The following FAT3 variants were observed in gnomAD, a reference collection of about 807,000 sequenced individuals.
FAT3 encodes the protein FAT atypical cadherin 3.
Under a neutral mutation model 310.2 loss-of-function variants are expected in FAT3, and 95 were observed. The ratio of observed to expected loss-of-function variants is 0.31; its 90% confidence interval spans 0.26 to 0.36. The LOEUF is 0.36. FAT3 is among the 10% of genes least tolerant of loss of function. FAT3 has a pLI of 1.00. For synonymous variants in FAT3, 2,314 were observed against 2,192.9 expected, an observed-to-expected ratio of 1.06 and a Z score of -1.54; for missense variants, 5,408 against 5,715.6, an observed-to-expected ratio of 0.95 and a Z score of 1.74.
chr11:92,785,898 G>C (rs1383186812), intron 7 of FAT3, among the ~76,000 whole-genome samples: 3 of 152,100 alleles, frequency 2.0e-5, no homozygotes, highest in Non-Finnish European at 2.9e-5. Flanking sequence ...AAGAAAAAGA[G>C]AGCCTAGCCT....
intron 3 of FAT3, among the ~76,000 whole-genome samples, chr11:92,604,141 T>C (rs1940164294): frequency 6.6e-6 from 1 of 152,224 alleles, no homozygotes; most frequent in Non-Finnish European, 1.5e-5. Context: ...GCTATGCTAA[T>C]TAGTTTTCTG....
At chr11:92,663,359 C>T (rs1942850044) in intron 3 of FAT3, among the ~76,000 whole-genome samples, 1 of 152,060 alleles carries the variant, frequency 6.6e-6, no homozygotes, top group South Asian at 2.1e-4. Context: ...TGAGTTTGCA[C>T]CTGATACCAC....
At chr11:92,230,709 G>A (rs1864141972) in intron 1 of FAT3, among the ~76,000 whole-genome samples, 2 of 152,280 alleles carry the variant, frequency 1.3e-5, no homozygotes, top group African/African-American at 2.4e-5. Flanking sequence ...TATATCCATT[G>A]CTTCTGCTTC....
At chr11:92,785,444 G>T (rs1946864253) in intron 7 of FAT3, among the ~76,000 whole-genome samples, 1 of 151,966 alleles carries the variant, frequency 6.6e-6, no homozygotes, top group Non-Finnish European at 1.5e-5. Context: ...AACTATCTCT[G>T]TTTGCATGTA....
intron 6 of FAT3, among the ~76,000 whole-genome samples, chr11:92,771,417 T>C (rs901564236): frequency 6.6e-6 from 1 of 151,854 alleles, no homozygotes; most frequent in East Asian, 1.9e-4. Flanking sequence ...GATGCTTAAG[T>C]GGTAGGTTAT....
chr11:92,596,247 C>T (rs1451922134), intron 3 of FAT3, among the ~76,000 whole-genome samples: 1 of 152,154 alleles, frequency 6.6e-6, no homozygotes, highest in Non-Finnish European at 1.5e-5. Flanking sequence ...TACCCAGTCC[C>T]ACTTTCTGAA....
At chr11:92,720,174 G>A (rs776809487) in intron 4 of FAT3, among the ~76,000 whole-genome samples, 9 of 152,130 alleles carry the variant, frequency 5.9e-5, no homozygotes, top group Non-Finnish European at 1.0e-4. Flanking sequence ...AGAGTAAGAG[G>A]TTGATTTTCA....
chr11:92,806,470 C>G lies in FAT3; in HGVS notation c.9202C>G (p.Leu3068Val). The change falls in exon 12 of 28, where the codon CTC becomes GTC. Residue 3068 changes from leucine to valine, a missense_variant. Physicochemically the swap from Leu to Val is conservative, Grantham distance 32 (BLOSUM62 1). Transcript: ENST00000525166. ...IGSNGYIRYS[L>V]YGSGNSEFFL... ...ATCCAATGGATATATACGATACTCA[C>G]TCTATGGATCTGGAAACAGTGAATT... 1.3e-6 allele frequency: 2 copies of G among 1,568,850 alleles called. No individual in the cohort carries two copies. Among genetic ancestry groups the G allele is most frequent in the East Asian group, 4.5e-5 (2 of 44,098 alleles).
At chr11:92,739,965 C>A (rs1212072386) in intron 4 of FAT3, among the ~76,000 whole-genome samples, 3 of 152,178 alleles carry the variant, frequency 2.0e-5, no homozygotes, top group African/African-American at 7.2e-5. Context: ...GCCTGATCTT[C>A]TGAGAACGTT....
rs772174733 is a variant in FAT3, at chr11:92,307,508, CT to C, written c.-17-44586del. ...TGTCCAGAGGAATACCCTTTGGTTA[CT>C]TGGAAGTGTCATTGCTTAGACTTTG... On this transcript the variant is annotated intron_variant, in intron 1 of 27. Transcript: ENST00000525166. Among the ~76,000 whole-genome samples the C allele has an allele frequency of 4.6e-4, 70 of 152,252 alleles. No individual in the cohort carries two copies. In the Middle Eastern group the frequency reaches 0.024, roughly 52 times the overall value.
chr11:92,807,908 A>G (rs1159904411), intron 12 of FAT3, among the ~76,000 whole-genome samples: 1 of 152,214 alleles, frequency 6.6e-6, no homozygotes, highest in Non-Finnish European at 1.5e-5. Flanking sequence ...ATTTAAGCGT[A>G]AAGATTGGCT....
At chr11:92,782,645 A>T (rs553607659) in intron 7 of FAT3, among the ~76,000 whole-genome samples, 1 of 152,358 alleles carries the variant, frequency 6.6e-6, no homozygotes, top group African/African-American at 2.4e-5. Flanking sequence ...GAGATTAAAA[A>T]GCTCTTTCAG....
chr11:92,267,072 C>T (rs528864114), intron 1 of FAT3, among the ~76,000 whole-genome samples: 8 of 117,646 alleles, frequency 6.8e-5, no homozygotes, highest in Non-Finnish European at 1.2e-4. Context: ...GCCTGTCACG[C>T]GGGTGTAGCT....
chr11:92,874,816 G>A (rs1053410356), intron 22 of FAT3, among the ~76,000 whole-genome samples: 1 of 152,098 alleles, frequency 6.6e-6, no homozygotes, highest in African/African-American at 2.4e-5. Flanking sequence ...TGGCATTACA[G>A]GCATGAGCCA....
At chr11:92,846,324 A>G (rs1262791912) in intron 19 of FAT3, among the ~76,000 whole-genome samples, 1 of 152,210 alleles carries the variant, frequency 6.6e-6, no homozygotes, top group Non-Finnish European at 1.5e-5. Context: ...ATTCAAAGCA[A>G]AAAAGATACA....
chr11:92,811,038 T>C (rs1947657619), intron 13 of FAT3, among the ~76,000 whole-genome samples: 1 of 152,214 alleles, frequency 6.6e-6, no homozygotes, highest in Non-Finnish European at 1.5e-5. Context: ...CTCTGCATAT[T>C]TTCCCTTAGA....
chr11:92,287,943 T>C (rs1245527872), intron 1 of FAT3, among the ~76,000 whole-genome samples: 1 of 152,124 alleles, frequency 6.6e-6, no homozygotes, highest in Non-Finnish European at 1.5e-5. Flanking sequence ...ACAGAAAAAC[T>C]GCAGAGCAAA....
intron 2 of FAT3, among the ~76,000 whole-genome samples, chr11:92,428,324 A>T (rs940116000): frequency 1.3e-5 from 2 of 151,110 alleles, no homozygotes; most frequent in Non-Finnish European, 3.0e-5. Flanking sequence ...CAAAAAAAAA[A>T]AAACAGCCCT....
At chr11:92,637,775 A>G (rs571611662) in intron 3 of FAT3, among the ~76,000 whole-genome samples, 11 of 152,266 alleles carry the variant, frequency 7.2e-5, no homozygotes, top group African/African-American at 2.6e-4. Context: ...TTGAATATGT[A>G]TCCTATATAC....
Sources: gnomAD v4.1 joint callset for allele counts (sites outside exome capture counted in the v4.1 genomes callset) on GRCh38, gnomAD v4.1.1 for gene constraint, MANE v1.5 for transcripts, NCBI Gene and HGNC (gene_info 2026-07-23, HGNC 2026-07-21) for gene names.